MYOZ3: variants seen among roughly 807,000 people sequenced by gnomAD.
MYOZ3 encodes myozenin 3.
A neutral mutation model predicts 26.5 loss-of-function variants in MYOZ3; 19 were observed. The ratio of observed to expected loss-of-function variants is 0.72; its 90% CI spans 0.50 to 1.05. The LOEUF is 1.05. MYOZ3 is among the 50% of genes least tolerant of loss of function. The probability of loss-of-function intolerance (pLI) is 0.00; values close to 1 mark genes in which losing one functional copy is unlikely to be tolerated. For synonymous variants in MYOZ3, 135 were observed against 138.8 expected, an observed-to-expected ratio of 0.97 and a Z score of 0.19; for missense variants, 322 against 337.1, an observed-to-expected ratio of 0.96 and a Z score of 0.35.
intron 2 of MYOZ3, among the ~76,000 whole-genome samples, chr5:150,668,532 C>T (rs1420193493): frequency 6.6e-6 from 1 of 152,206 alleles, no homozygotes; most frequent in East Asian, 1.9e-4. Context: ...GTCTCTGATC[C>T]TCTTTACCTA....
At chr5:150,672,282 TG>T in intron 5 of MYOZ3, 57 bp from the exon 6 acceptor site, 3 of 1,547,404 alleles carry the variant, frequency 1.9e-6, no homozygotes, top group Non-Finnish European at 2.6e-6. Context: ...TGGGGCGAGG[TG>T]GGGTTGGGGG....
At position 150,676,156 on chromosome 5, in the gene MYOZ3, A is replaced by G. The variant is rs1374324069; in HGVS notation, c.588-551A>G. 7.2e-5 allele frequency among the ~76,000 whole-genome samples: 11 copies of G among 152,292 alleles called. 3 individuals carry two copies. The highest frequency in any genetic ancestry group is 7.2e-4 in the Admixed American group (11 of 15,292). On this transcript the variant is annotated intron_variant, in intron 6 of 6. Coordinates refer to ENST00000517768, the MANE Select transcript of MYOZ3 (RefSeq NM_001122853.3). ...CTAGAGTCTTGCCTAGGACAAGTCA[A>G]TTCTGACTCCATCGGCTTCACTTCT...
In MYOZ3 at chr5:150,671,653, G is replaced by T. The variant is rs757001356; in HGVS notation, c.270+3G>T. On this transcript the variant is annotated splice_donor_region_variant and intron_variant, in intron 4 of 6. Coordinates refer to ENST00000517768, the MANE Select transcript of MYOZ3 (RefSeq NM_001122853.3). ...CTGGAACAGCGGAGTCGGGGACGGT[G>T]AGCGTGGAGGGGAGCTCCCTGGAAG... The T allele has an allele frequency of 6.2e-7, 1 of 1,613,900 alleles. No individual in the cohort carries two copies. Among genetic ancestry groups the T allele is most frequent in the South Asian group, 1.1e-5 (1 of 91,068 alleles).
At chr5:150,663,149 G>C in intron 2 of MYOZ3, 147 bp downstream of exon 2, 1 of 640,816 alleles carries the variant, frequency 1.6e-6, no homozygotes, top group Non-Finnish European at 2.6e-6. Context: ...AGAATTTGCT[G>C]CCTAGGCTGG....
chr5:150,671,458 CTAG>C (rs1233086825), intron 3 of MYOZ3, 136 bp from the exon 4 acceptor site: 1 of 838,212 alleles, frequency 1.2e-6, no homozygotes, highest in Non-Finnish European at 1.9e-6. Flanking sequence ...GCGTTGTAAA[CTAG>C]TAACTCATCC....
chr5:150,669,052 C>G (rs10077713), intron 2 of MYOZ3: 1 of 151,964 alleles, frequency 6.6e-6, no homozygotes, highest in South Asian at 2.1e-4. Context: ...GTTTTGGAGA[C>G]AATTAGCAGA....
chr5:150,668,864 G>A (rs1021117161), intron 2 of MYOZ3, among the ~76,000 whole-genome samples: 14 of 152,186 alleles, frequency 9.2e-5, no homozygotes, highest in African/African-American at 3.4e-4. Context: ...TATGAGAAAA[G>A]AAATAAATGT....
chr5:150,671,638 G>A lies in MYOZ3; in HGVS notation c.258G>A (p.Ala86=). The A allele has an allele frequency of 6.2e-7, 1 of 1,613,872 alleles. No homozygotes were observed. Residue 86 remains alanine, a synonymous_variant, in exon 4 of 7, where the codon GCG becomes GCA. Transcript: ENST00000517768. The stretch of plus-strand genomic sequence containing the variant: ...CCAGGAGGAAGGTGACTGGAACAGC[G>A]GAGTCGGGGACGGTGAGCGTGGAGG... ...GSARRKVTGT[A]ESGTVANANG...
chr5:150,671,824 G>C lies in MYOZ3; in HGVS notation c.340G>C (p.Gly114Arg), dbSNP rs1385923321. ...GCTCCACATCTTCCCGGCCTCACCC[G>C]GGGCCTCACTCGGGGGTCCCGAGGG... ...SELHIFPASP[G>R]ASLGGPEGAH... is the part of the protein sequence containing the mutation. Residue 114 changes from glycine to arginine, a missense_variant, in exon 5 of 7, where the codon GGG (glycine) becomes CGG (arginine). Coordinates refer to ENST00000517768, the MANE Select transcript of MYOZ3 (RefSeq NM_001122853.3). 6.2e-7 allele frequency: 1 copy of C among 1,611,300 alleles called. No individual in the cohort carries two copies. The highest frequency in any genetic ancestry group is 8.5e-7 in the Non-Finnish European group (1 of 1,179,592).
chr5:150,670,451 G>A (rs1758884202), intron 2 of MYOZ3, 33 bp from the exon 3 acceptor site: 1 of 1,577,412 alleles, frequency 6.3e-7, no homozygotes, highest in Non-Finnish European at 8.6e-7. Flanking sequence ...GGGGGATGGG[G>A]TGGTGAGAGC....
intron 2 of MYOZ3, among the ~76,000 whole-genome samples, chr5:150,663,638 C>T (rs1758767711): frequency 6.6e-6 from 1 of 152,106 alleles, no homozygotes; most frequent in Non-Finnish European, 1.5e-5. Context: ...TCTTGAGGAA[C>T]TCTTGATACA....
rs536414016 is a variant in MYOZ3, at chr5:150,664,678, G to C, written c.61+1676G>C. 2.6e-5 allele frequency among the ~76,000 whole-genome samples: 4 copies of C among 152,208 alleles called. No individual in the cohort carries two copies. In the East Asian group the frequency reaches 7.7e-4, roughly 29 times the overall value. ...CTCATTTTGGAAATGAGAATATTGA[G>C]GCTCAGAGGAGCAGGTGATCACATC... On this transcript the variant is annotated intron_variant, in intron 2 of 6. Coordinates refer to ENST00000517768, the MANE Select transcript of MYOZ3 (RefSeq NM_001122853.3).
Position 150,676,902 on chromosome 5 carries a change from G to C in MYOZ3, c.*27G>C. The C allele has an allele frequency of 6.3e-7, 1 of 1,586,566 alleles. No homozygotes were observed. Among genetic ancestry groups the C allele is most frequent in the African/African-American group, 1.3e-5 (1 of 74,452 alleles). On this transcript the variant is annotated 3_prime_UTR_variant, in exon 7 of 7. Coordinates refer to ENST00000517768, the MANE Select transcript of MYOZ3 (RefSeq NM_001122853.3). ...CCTAGCCTGAATCTTCAGTTCCCCAGTCTCGGGGGCCTGGTAACATCCGGA... is the reference window on the plus strand; with the variant it reads ...CCTAGCCTGAATCTTCAGTTCCCCACTCTCGGGGGCCTGGTAACATCCGGA...
chr5:150,671,517 T>A, intron 3 of MYOZ3, 80 bp from the exon 4 acceptor site: 1 of 1,236,820 alleles, frequency 8.1e-7, no homozygotes, highest in Non-Finnish European at 1.1e-6. Context: ...CCCCCCGACC[T>A]TTTTTTTTGG....
Position 150,661,426 on chromosome 5 carries a change from A to G in MYOZ3, c.-3A>G. On this transcript the variant is annotated splice_region_variant and 5_prime_UTR_variant, in exon 1 of 7. Coordinates refer to ENST00000517768, the MANE Select transcript of MYOZ3 (RefSeq NM_001122853.3). ...CTGCCTATTGTGGTCCCATCCTCTCAGGTACCAGCATCCTAGGGGAGCTTG... is the reference window on the plus strand; with the variant it reads ...CTGCCTATTGTGGTCCCATCCTCTCGGGTACCAGCATCCTAGGGGAGCTTG... 1 of 152,430 alleles carries G rather than the reference A, an allele frequency of 6.6e-6. No individual in the cohort carries two copies. Among genetic ancestry groups the G allele is most frequent in the Non-Finnish European group, 1.5e-5 (1 of 68,064 alleles). The allele number at this position is 152,430 out of a possible 1,614,324, so 9.4% of individuals were successfully genotyped here. A position where few individuals can be genotyped will look rare whatever the true frequency, so the allele number is the denominator to read the frequency against.
intron 1 of MYOZ3, 89 bp from the exon 2 acceptor site, chr5:150,662,852 G>C: frequency 8.3e-7 from 1 of 1,210,916 alleles, no homozygotes; most frequent in South Asian, 1.3e-5. Flanking sequence ...AGCTGTTCAG[G>C]ACTGGGGCAG....
rs1758921913 is a variant in MYOZ3, at chr5:150,671,906, CA to C, written c.423del (p.Gly142AlafsTer6). 2 of 1,539,410 alleles carry C rather than the reference CA, an allele frequency of 1.3e-6. No individual in the cohort carries two copies. ...GCVPSPSALA[P>X]GYAEPLKGVP... is the part of the protein sequence containing the mutation. ...GTCCCCAGCCCCAGCGCCCTGGCGC[CA>C]GGTGAGTGGCCTCCTCGGGTCCCGG... On this transcript the variant is annotated frameshift_variant and splice_region_variant, in exon 5 of 7. Transcript: ENST00000517768. LOFTEE classifies it high-confidence loss of function.
chr5:150,668,178 G>T (rs74822720), intron 2 of MYOZ3, among the ~76,000 whole-genome samples: 10 of 152,054 alleles, frequency 6.6e-5, no homozygotes, highest in Non-Finnish European at 8.8e-5. Flanking sequence ...TTGGCTTATC[G>T]CTTCCTCATG....
In MYOZ3 at chr5:150,671,879, G is replaced by A. The variant is rs749088109; in HGVS notation, c.395G>A (p.Cys132Tyr). 1.0e-5 allele frequency: 16 copies of A among 1,580,704 alleles called. No homozygotes were observed. The highest frequency in any genetic ancestry group is 1.4e-5 in the Non-Finnish European group (16 of 1,167,430). ...CACCCTGCAGCCGCCCCTGCTGGGT[G>A]CGTCCCCAGCCCCAGCGCCCTGGCG... ...GAHPAAAPAG[C>Y]VPSPSALAPG... The change falls in exon 5 of 7, where the codon TGC becomes TAC. Residue 132 changes from cysteine to tyrosine, a missense_variant. Transcript: ENST00000517768.
Sources: allele counts gnomAD v4.1 joint callset (sites outside exome capture counted in the v4.1 genomes callset), GRCh38; gene constraint gnomAD v4.1.1; transcripts MANE v1.5; gene names NCBI Gene and HGNC (gene_info 2026-07-23, HGNC 2026-07-21).